MAPK12: variants seen among roughly 807,000 people sequenced by gnomAD.
The protein encoded by MAPK12 is mitogen-activated protein kinase 12, also known as MAP kinase 12.
MAPK12 carries 49 observed loss-of-function variants against 49.1 expected under a neutral mutation model. The observed-to-expected ratio is 1.00, with a 90% CI of 0.79 to 1.27. The LOEUF (loss-of-function observed/expected upper bound fraction) is 1.27. Among genes scored for constraint, MAPK12 ranks in the 50% most tolerant of loss-of-function variants. The pLI, the probability that MAPK12 is intolerant of heterozygous loss-of-function variation, is 0.00. For missense variants in MAPK12, 554 were observed against 502.4 expected, an observed-to-expected ratio of 1.10 and a Z score of -0.98; for synonymous variants, 251 against 209.7, an observed-to-expected ratio of 1.20 and a Z score of -1.70.
chr22:50,253,307 G>A lies in MAPK12; in HGVS notation c.*94C>T. 2 of 920,952 alleles carry A rather than the reference G, an allele frequency of 2.2e-6. No homozygotes were observed. Among genetic ancestry groups the A allele is most frequent in the Non-Finnish European group, 3.5e-6 (2 of 572,470 alleles). 57.0% of individuals were successfully genotyped at this position (920,952 alleles called of 1,614,324 possible). A position where few individuals can be genotyped will look rare whatever the true frequency, so the allele number is the denominator to read the frequency against. Reference sequence around the variant, plus strand: ...TCTGCTCTGATGGATGCCTTGGGATGCAAGCCCCAGCCAAGGTCAAGGTGG... The same window carrying A: ...TCTGCTCTGATGGATGCCTTGGGATACAAGCCCCAGCCAAGGTCAAGGTGG... On this transcript the variant is annotated 3_prime_UTR_variant, in exon 12 of 12. Transcript: ENST00000215659.
In MAPK12 at chr22:50,253,499, C is replaced by CGGGGGGGGGG; in HGVS notation, c.1025-20_1025-19insCCCCCCCCCC. ...GTAACACCTGGCGGGGGTGGGGGGGCGGGCACAACAGAGAGGGGGGTCAGC... is the reference window on the plus strand; with the variant it reads ...GTAACACCTGGCGGGGGTGGGGGGGCGGGGGGGGGGGGGCACAACAGAGAGGGGGGTCAGC... On this transcript the variant is annotated intron_variant, in intron 11 of 11. Transcript: ENST00000215659. 4 of 660,036 alleles carry CGGGGGGGGGG rather than the reference C, an allele frequency of 6.1e-6. No individual in the cohort carries two copies. Among genetic ancestry groups the CGGGGGGGGGG allele is most frequent in the South Asian group, 7.8e-5 (2 of 25,560 alleles). 40.9% of individuals were successfully genotyped at this position (660,036 alleles called of 1,614,324 possible). A position where few individuals can be genotyped will look rare whatever the true frequency, so the allele number is the denominator to read the frequency against.
Position 50,261,607 on chromosome 22 carries a change from G to C in MAPK12, c.-98C>G. 1 of 1,004,440 alleles carries C rather than the reference G, an allele frequency of 1.0e-6. No homozygotes were observed. Among genetic ancestry groups the C allele is most frequent in the Non-Finnish European group, 1.2e-6 (1 of 843,904 alleles). 62.2% of individuals were successfully genotyped at this position (1,004,440 alleles called of 1,614,324 possible). On this transcript the variant is annotated 5_prime_UTR_variant, in exon 1 of 12. Transcript: ENST00000215659. ...GGCGCGCGCCTCGGGCCGGCTCCGCGCCGCTCGTCCGCTCGCCCGCCCGCC... is the reference window on the plus strand; with the variant it reads ...GGCGCGCGCCTCGGGCCGGCTCCGCCCCGCTCGTCCGCTCGCCCGCCCGCC...
intron 11 of MAPK12, chr22:50,254,281 G>C (rs1262712766): frequency 1.4e-5 from 2 of 138,324 alleles, no homozygotes; most frequent in Admixed American, 1.6e-4. Context: ...ACTGCTTAGC[G>C]GGGGCTGGGG....
chr22:50,261,373 G>GC lies in MAPK12; in HGVS notation c.125+11dup. 1 of 1,151,402 alleles carries GC rather than the reference G, an allele frequency of 8.7e-7. No homozygotes were observed. Among genetic ancestry groups the GC allele is most frequent in the South Asian group, 2.9e-5 (1 of 34,472 alleles). 71.3% of individuals were successfully genotyped at this position (1,151,402 alleles called of 1,614,324 possible). On this transcript the variant is annotated intron_variant, in intron 1 of 11. Transcript: ENST00000215659. The stretch of plus-strand genomic sequence containing the variant: ...CCCGCCCCGCCGGCCGCCCCGCCCG[G>GC]CCCGCGCTCACCACACCGCGCCGTA...
intron 3 of MAPK12, chr22:50,257,617 G>A: frequency 1.8e-6 from 1 of 567,442 alleles, no homozygotes; most frequent in Admixed American, 3.1e-5. Flanking sequence ...GAGGTGCCTG[G>A]GGGCGATGGG....
chr22:50,253,514 G>A lies in MAPK12; in HGVS notation c.1025-34C>T, dbSNP rs1296194875. 3 of 937,978 alleles carry A rather than the reference G, an allele frequency of 3.2e-6. No homozygotes were observed. In the East Asian group the frequency reaches 7.9e-5, roughly 25 times the overall value. 58.1% of individuals were successfully genotyped at this position (937,978 alleles called of 1,614,324 possible). A position where few individuals can be genotyped will look rare whatever the true frequency, so the allele number is the denominator to read the frequency against. ...GGTGGGGGGGCGGGCACAACAGAGAGGGGGGTCAGCCTTTGCCTTCCATCC... is the reference window on the plus strand; with the variant it reads ...GGTGGGGGGGCGGGCACAACAGAGAAGGGGGTCAGCCTTTGCCTTCCATCC... On this transcript the variant is annotated intron_variant, in intron 11 of 11. Transcript: ENST00000215659.
chr22:50,261,493 G>A lies in MAPK12; in HGVS notation c.17C>T (p.Pro6Leu). 1 of 1,251,904 alleles carries A rather than the reference G, an allele frequency of 8.0e-7. No homozygotes were observed. The highest frequency in any genetic ancestry group is 1.0e-6 in the Non-Finnish European group (1 of 974,486). The allele number at this position is 1,251,904 out of a possible 1,614,324, so 77.5% of individuals were successfully genotyped here. MSSPP[P>L]ARSGFYRQEV... ...CTGGCGGTAAAAGCCACTGCGGGCG[G>A]GCGGCGGAGAGCTCATGGCAGGCCC... Residue 6 changes from proline to leucine, a missense_variant, in exon 1 of 12, where the codon CCC (proline) becomes CTC (leucine). By Grantham distance (98) the Pro-to-Leu change is moderately conservative. Coordinates refer to ENST00000215659, the MANE Select transcript of MAPK12 (RefSeq NM_002969.6).
chr22:50,256,197 G>A lies in MAPK12; in HGVS notation c.507C>T (p.Ile169=), dbSNP rs2065148774. 6.8e-6 allele frequency: 11 copies of A among 1,610,912 alleles called. No homozygotes were observed. The highest frequency in any genetic ancestry group is 9.3e-6 in the Non-Finnish European group (11 of 1,178,418). Residue 169 remains isoleucine, a splice_region_variant and synonymous_variant, in exon 7 of 12, where the codon ATC becomes ATT. Coordinates refer to ENST00000215659, the MANE Select transcript of MAPK12 (RefSeq NM_002969.6). The part of the protein sequence containing the change: ...LAVNEDCELK[I]LDFGLARQAD... ...CCTGCCTGGCCAGGCCGAAGTCCAG[G>A]ATCTGTGGGAAGAATTGGGGAGGTG...
intron 11 of MAPK12, chr22:50,254,475 A>AC (rs2065128192): frequency 6.1e-6 from 1 of 163,788 alleles, no homozygotes; most frequent in Admixed American, 6.5e-5. Flanking sequence ...ACACGGTGAA[A>AC]CCCCGTCTCT....
Position 50,256,091 on chromosome 22 carries a change from G to C in MAPK12, c.613C>G (p.Gln205Glu). The C allele has an allele frequency of 6.2e-7, 1 of 1,612,026 alleles. No individual in the cohort carries two copies. The highest frequency in any genetic ancestry group is 8.5e-7 in the Non-Finnish European group (1 of 1,179,460). The change falls in exon 7 of 12, where the codon CAG becomes GAG. Residue 205 changes from glutamine (Q) to glutamate (E), a missense_variant. By Grantham distance (29) the Gln-to-Glu change is conservative. Coordinates refer to ENST00000215659, the MANE Select transcript of MAPK12 (RefSeq NM_002969.6). Reference protein sequence around the residue: ...EVILNWMRYTQTVDIWSVGCI... With the variant: ...EVILNWMRYTETVDIWSVGCI... ...TCTCTGGGCAGCTTCTCACCCGTCT[G>C]CGTGTAGCGCATCCAATTCAAGATG...
chr22:50,256,027 G>C (rs2065146596), intron 7 of MAPK12, 58 bp downstream of exon 7: 2 of 1,545,552 alleles, frequency 1.3e-6, no homozygotes, highest in Admixed American at 1.7e-5. Context: ...TGTCCGTGAA[G>C]AAGTGGAGAA....
intron 2 of MAPK12, among the ~76,000 whole-genome samples, chr22:50,260,287 A>T (rs895094530): frequency 1.3e-4 from 19 of 151,902 alleles, no homozygotes; most frequent in African/African-American, 4.6e-4. Flanking sequence ...CGTTCTCCCA[A>T]GGCACCGGTG....
In MAPK12 at chr22:50,261,608, C is replaced by T. The variant is rs2065215273; in HGVS notation, c.-99G>A. ...GCGCGCGCCTCGGGCCGGCTCCGCGCCGCTCGTCCGCTCGCCCGCCCGCCC... is the reference window on the plus strand; with the variant it reads ...GCGCGCGCCTCGGGCCGGCTCCGCGTCGCTCGTCCGCTCGCCCGCCCGCCC... On this transcript the variant is annotated 5_prime_UTR_variant, in exon 1 of 12. Coordinates refer to ENST00000215659, the MANE Select transcript of MAPK12 (RefSeq NM_002969.6). The T allele has an allele frequency of 4.0e-6, 4 of 997,528 alleles. No homozygotes were observed. Among genetic ancestry groups the T allele is most frequent in the Non-Finnish European group, 3.6e-6 (3 of 839,380 alleles). 61.8% of individuals were successfully genotyped at this position (997,528 alleles called of 1,614,324 possible).
At chr22:50,255,917 G>C (rs1349230890) in intron 7 of MAPK12, 36 bp from the exon 8 acceptor site, 4 of 1,598,522 alleles carry the variant, frequency 2.5e-6, no homozygotes, top group East Asian at 4.5e-5. Context: ...CGTGGGCAGG[G>C]GGACAGGATG....
rs1307517554 is a variant in MAPK12 at position 50,253,442 on chromosome 22, G to C, written c.1063C>G (p.Arg355Gly). 2.6e-6 allele frequency: 4 copies of C among 1,531,568 alleles called. No individual in the cohort carries two copies. Among genetic ancestry groups the C allele is most frequent in the Non-Finnish European group, 3.5e-6 (4 of 1,135,030 alleles). The allele number at this position is 1,531,568 out of a possible 1,614,324, so 94.9% of individuals were successfully genotyped here. ...TTGGAGACCCTGGCCCCCAGCTGCCGGGGAGGCTTGAAGCTGAGCACCTCT... is the reference window on the plus strand; with the variant it reads ...TTGGAGACCCTGGCCCCCAGCTGCCCGGGAGGCTTGAAGCTGAGCACCTCT... The part of the protein sequence containing the change: ...YKEVLSFKPP[R>G]QLGARVSKET... The change falls in exon 12 of 12, where the codon CGG becomes GGG. Residue 355 changes from arginine (R) to glycine (G), a missense_variant. Coordinates refer to ENST00000215659, the MANE Select transcript of MAPK12 (RefSeq NM_002969.6).
In MAPK12 at chr22:50,256,150, T is replaced by C. The variant is rs1370931385; in HGVS notation, c.554A>G (p.Tyr185Cys). 6.2e-7 allele frequency: 1 copy of C among 1,612,750 alleles called. No individual in the cohort carries two copies. Among genetic ancestry groups the C allele is most frequent in the East Asian group, 2.2e-5 (1 of 44,874 alleles). ...AGCCCGGTACCACCGGGTCACCACG[T>C]ACCCAGTCATCTCACTGTCTGCCTG... ...ARQADSEMTGYVVTRWYRAPE... is the reference protein window; with the variant it reads ...ARQADSEMTGCVVTRWYRAPE... Residue 185 changes from tyrosine (Y) to cysteine (C), a missense_variant, in exon 7 of 12, where the codon TAC becomes TGC. Coordinates refer to ENST00000215659, the MANE Select transcript of MAPK12 (RefSeq NM_002969.6).
rs759648659 is a variant in MAPK12, at chr22:50,258,265, T to C, written c.292A>G (p.Thr98Ala). ...CACAAGTCCGTGAAGTCATCCAGGG[T>C]CTCATCAGGAGTGAATACGTCCAGC... ...GLLDVFTPDE[T>A]LDDFTDFYLV... is the part of the protein sequence containing the mutation. The change falls in exon 3 of 12, where the codon ACC becomes GCC. Residue 98 changes from threonine to alanine, a missense_variant. By Grantham distance (58) the Thr-to-Ala change is moderately conservative. Coordinates refer to ENST00000215659, the MANE Select transcript of MAPK12 (RefSeq NM_002969.6). 2.5e-6 allele frequency: 4 copies of C among 1,612,972 alleles called. No individual in the cohort carries two copies. In the Admixed American group the frequency reaches 6.7e-5, roughly 27 times the overall value.
intron 2 of MAPK12, among the ~76,000 whole-genome samples, chr22:50,260,209 T>C (rs2065196449): frequency 6.6e-6 from 1 of 150,844 alleles, no homozygotes; most frequent in African/African-American, 2.4e-5. Context: ...GGAGTAGCGG[T>C]GGCCAGGAAC....
intron 11 of MAPK12, 22 bp from the exon 12 acceptor site, chr22:50,253,502 G>GGGGTGGC: frequency 1.7e-5 from 3 of 171,686 alleles, no homozygotes; most frequent in Non-Finnish European, 3.4e-5. Flanking sequence ...GGGGGGGCGG[G>GGGGTGGC]CACAACAGAG....
Sources: allele counts gnomAD v4.1 joint callset (sites outside exome capture counted in the v4.1 genomes callset), GRCh38; gene constraint gnomAD v4.1.1; transcripts MANE v1.5; gene names NCBI Gene and HGNC (gene_info 2026-07-23, HGNC 2026-07-21).